Variants in TENM2 observed in about 807,000 individuals in gnomAD.
TENM2 encodes teneurin-2.
Under a neutral mutation model 245.2 loss-of-function variants are expected in TENM2, and 52 were observed. The observed-to-expected ratio is 0.21, with a 90% CI of 0.17 to 0.27. The LOEUF is 0.27. Ranked by LOEUF, TENM2 falls within the 10% of genes least tolerant of loss-of-function variation. TENM2 has a pLI of 1.00. For missense variants in TENM2, 3,046 were observed against 3,666.8 expected (o/e 0.83, Z 4.37); for synonymous variants, 1,363 against 1,438.9 (o/e 0.95, Z 1.19).
At position 167,476,858 on chromosome 5, in the gene TENM2, CA is replaced by C. The variant is rs1367828769; in HGVS notation, c.502+101388del. On this transcript the variant is annotated intron_variant, in intron 2 of 28. Coordinates refer to ENST00000518659, the Ensembl canonical transcript of TENM2. ...AGGTGATCTGTCTGCCCTGGCCTCC[CA>C]AAGTGCTGGGATTACAGGAGTGAGC... is the stretch of plus-strand genomic sequence containing the variant. Among the ~76,000 whole-genome samples, 3 of 152,178 alleles carry C rather than the reference CA, an allele frequency of 2.0e-5. No homozygotes were observed. In the East Asian group the frequency reaches 5.8e-4, roughly 29 times the overall value.
At chr5:168,231,278 A>G (rs1197016835) in intron 25 of TENM2, among the ~76,000 whole-genome samples, 3 of 152,206 alleles carry the variant, frequency 2.0e-5, no homozygotes, top group Non-Finnish European at 4.4e-5. Context: ...CTCCCGTTTG[A>G]CAAGAGATCA....
At chr5:167,052,282 A>T in the TENM2 span, among the ~76,000 whole-genome samples, 1 of 152,142 alleles carries the variant, frequency 6.6e-6, no homozygotes, top group African/African-American at 2.4e-5. Flanking sequence ...CTCCAGCTTT[A>T]CTTATTCCCT....
At chr5:167,265,373 T>G in the TENM2 span, among the ~76,000 whole-genome samples, 2 of 147,470 alleles carry the variant, frequency 1.4e-5, no homozygotes, top group Non-Finnish European at 1.5e-5. Flanking sequence ...GTGGGCATGC[T>G]GGCCATTTTA....
chr5:168,125,182 C>T lies in TENM2; in HGVS notation c.2209+132C>T, dbSNP rs1195203596. 1.0e-5 allele frequency: 8 copies of T among 763,200 alleles called. No homozygotes were observed. In the East Asian group the frequency reaches 1.6e-4, roughly 16 times the overall value. The allele number at this position is 763,200 out of a possible 1,614,324, so 47.3% of individuals were successfully genotyped here. ...GGGACTTTGATGAATCACATTGTGT[C>T]TTTCTCATTCTCTTCTCCTCAATCG... On this transcript the variant is annotated intron_variant, in intron 11 of 28. Transcript: ENST00000518659.
chr5:167,732,385 A>T (rs1760497571), intron 2 of TENM2, among the ~76,000 whole-genome samples: 1 of 152,174 alleles, frequency 6.6e-6, no homozygotes, highest in African/African-American at 2.4e-5. Context: ...GGGCTTTGGA[A>T]AGTGTAAAAT....
At chr5:167,003,928 G>C in the TENM2 span, among the ~76,000 whole-genome samples, 1 of 152,034 alleles carries the variant, frequency 6.6e-6, no homozygotes, top group Non-Finnish European at 1.5e-5. Context: ...TCAGTTATAG[G>C]CTTTTGGATT....
intron 2 of TENM2, among the ~76,000 whole-genome samples, chr5:167,804,340 A>T (rs1765995832): frequency 6.6e-6 from 1 of 152,134 alleles, no homozygotes. Context: ...TGTTTGCAAG[A>T]GCTGATCCTC....
chr5:167,869,939 G>T (rs983947322), intron 2 of TENM2, among the ~76,000 whole-genome samples: 2 of 151,872 alleles, frequency 1.3e-5, no homozygotes, highest in Admixed American at 1.3e-4. Context: ...CTCACTTTTT[G>T]ACCCCTTCAA....
Position 167,916,435 on chromosome 5 carries a change from C to T in TENM2, c.713-36153C>T, listed in dbSNP as rs78042036. Among the ~76,000 whole-genome samples, 1,025 of 152,264 alleles carry T rather than the reference C, an allele frequency of 6.7e-3. 10 individuals carry two copies. Among genetic ancestry groups the T allele is most frequent in the African/African-American group, 0.024 (992 of 41,546 alleles). On this transcript the variant is annotated intron_variant, in intron 3 of 28. Coordinates refer to ENST00000518659, the Ensembl canonical transcript of TENM2. ...GAGAAGCAGCAATCTTCATCTCCCC[C>T]ACTGCTCGGTGGTGCACCTTTGCCA...
the TENM2 span, among the ~76,000 whole-genome samples, chr5:167,007,753 A>G: frequency 2.6e-5 from 4 of 152,170 alleles, no homozygotes; most frequent in Non-Finnish European, 5.9e-5. This position sits in a 1 kb window ranked among gnomAD's most constrained non-coding sequence, Gnocchi z 4.2. Context: ...CGAATCCATT[A>G]TTTTAAATAG....
chr5:167,363,166 A>C (rs951292633), intron 1 of TENM2, among the ~76,000 whole-genome samples: 1 of 152,230 alleles, frequency 6.6e-6, no homozygotes, highest in Non-Finnish European at 1.5e-5. Context: ...TGAGCATTGA[A>C]TTGTTAGCCC....
the TENM2 span, among the ~76,000 whole-genome samples, chr5:167,076,844 C>T: frequency 6.6e-6 from 1 of 152,046 alleles, no homozygotes; most frequent in African/African-American, 2.4e-5. Flanking sequence ...AGCTGTTCTT[C>T]TTTTTTCTTT....
the TENM2 span, among the ~76,000 whole-genome samples, chr5:167,188,943 G>A: frequency 6.6e-6 from 1 of 152,150 alleles, no homozygotes; most frequent in African/African-American, 2.4e-5. Flanking sequence ...GGATTAAACT[G>A]TGAATGACCC....
At chr5:166,986,723 A>G in the TENM2 span, among the ~76,000 whole-genome samples, 5 of 152,174 alleles carry the variant, frequency 3.3e-5, no homozygotes, top group African/African-American at 7.2e-5. Flanking sequence ...CCATTATTGC[A>G]TAATTTAGAG....
At chr5:167,241,301 G>C in the TENM2 span, among the ~76,000 whole-genome samples, 1 of 152,154 alleles carries the variant, frequency 6.6e-6, no homozygotes, top group Admixed American at 6.5e-5. Flanking sequence ...AAAAAGTCTT[G>C]TTCCTTACAA....
At chr5:167,771,830 A>G (rs957438035) in intron 2 of TENM2, among the ~76,000 whole-genome samples, 5 of 152,210 alleles carry the variant, frequency 3.3e-5, no homozygotes, top group African/African-American at 1.2e-4. Flanking sequence ...CCAAAAACTC[A>G]TCTTAAAGCT....
the TENM2 span, among the ~76,000 whole-genome samples, chr5:167,213,980 G>A: frequency 6.6e-6 from 1 of 152,222 alleles, no homozygotes; most frequent in African/African-American, 2.4e-5. Context: ...TATTTGGACA[G>A]AAGTGGAATA....
chr5:167,935,319 C>A (rs2151730803), intron 3 of TENM2, among the ~76,000 whole-genome samples: 1 of 152,270 alleles, frequency 6.6e-6, no homozygotes, highest in Middle Eastern at 3.4e-3. Context: ...TCTGTACATC[C>A]CTCTCTTTTC....
At chr5:167,186,879 A>G in the TENM2 span, among the ~76,000 whole-genome samples, 1 of 152,232 alleles carries the variant, frequency 6.6e-6, no homozygotes, top group African/African-American at 2.4e-5. Flanking sequence ...TTTCCTTTCA[A>G]GGCTGACTGT....
Sources: gnomAD v4.1 joint callset for allele counts (sites outside exome capture counted in the v4.1 genomes callset) on GRCh38, gnomAD v4.1.1 for gene constraint, Gnocchi (gnomAD v3.1) non-coding constraint, MANE v1.5 for transcripts, NCBI Gene and HGNC (gene_info 2026-07-23, HGNC 2026-07-21) for gene names.